The following ACTN1 variants were observed in gnomAD, a reference collection of about 807,000 sequenced individuals.
The protein encoded by ACTN1 is actinin alpha 1, also known as alpha-actinin-1.
Under a neutral mutation model 119.6 loss-of-function variants are expected in ACTN1, and 30 were observed. The observed-to-expected ratio is 0.25, with a 90% CI of 0.19 to 0.34. The LOEUF is 0.34. ACTN1 is among the 10% of genes least tolerant of loss of function. The probability of loss-of-function intolerance (pLI) is 1.00; values close to 1 mark genes in which losing one functional copy is unlikely to be tolerated. For synonymous variants in ACTN1, 429 were observed against 472.6 expected (o/e 0.91, Z 1.20); for missense variants, 764 against 1,223.4 (o/e 0.62, Z 5.60).
chr14:68,953,885 CAAA>C (rs756178152), intron 1 of ACTN1, among the ~76,000 whole-genome samples: 3 of 101,842 alleles, frequency 2.9e-5, no homozygotes, highest in Non-Finnish European at 4.1e-5. Flanking sequence ...GACTCTGTCT[CAAA>C]AAAAAAAAAA....
intron 1 of ACTN1, among the ~76,000 whole-genome samples, chr14:68,951,029 G>A (rs2036145525): frequency 6.6e-6 from 1 of 152,202 alleles, no homozygotes; most frequent in Non-Finnish European, 1.5e-5. Flanking sequence ...CCTGCAGAAG[G>A]CCAAGAAACT....
At chr14:68,912,717 G>A (rs905523487) in intron 3 of ACTN1, among the ~76,000 whole-genome samples, 4 of 152,146 alleles carry the variant, frequency 2.6e-5, no homozygotes, top group African/African-American at 9.7e-5. Flanking sequence ...TGTGACAGGT[G>A]CTGGAAGAGA....
intron 11 of ACTN1, chr14:68,887,680 A>G (rs1385051340): frequency 3.9e-6 from 5 of 1,286,638 alleles, no homozygotes; most frequent in Non-Finnish European, 5.4e-6. Flanking sequence ...AAATGTTTCT[A>G]GAGCTACTAA....
chr14:68,914,980 T>C (rs2034205733), intron 3 of ACTN1, among the ~76,000 whole-genome samples: 1 of 152,208 alleles, frequency 6.6e-6, no homozygotes, highest in South Asian at 2.1e-4. Flanking sequence ...AGTATAATTT[T>C]ATCTCCAGGA....
intron 1 of ACTN1, among the ~76,000 whole-genome samples, chr14:68,939,660 G>A (rs1481525636): frequency 6.6e-6 from 1 of 152,096 alleles, no homozygotes. Flanking sequence ...ATAGCTAAGG[G>A]GTACAGAATA....
intron 1 of ACTN1, among the ~76,000 whole-genome samples, chr14:68,961,130 G>A (rs141708868): frequency 6.6e-6 from 1 of 152,228 alleles, no homozygotes; most frequent in Non-Finnish European, 1.5e-5. Context: ...CACCTCAAAT[G>A]CTTTTTGGAA....
intron 1 of ACTN1, among the ~76,000 whole-genome samples, chr14:68,959,772 A>T (rs2036465747): frequency 6.6e-6 from 1 of 152,186 alleles, no homozygotes; most frequent in African/African-American, 2.4e-5. Context: ...CAGGATAGTT[A>T]CTATTTCTAA....
At chr14:68,964,371 C>T (rs916062809) in intron 1 of ACTN1, among the ~76,000 whole-genome samples, 3 of 152,196 alleles carry the variant, frequency 2.0e-5, no homozygotes, top group Admixed American at 6.5e-5. Flanking sequence ...ACTTCAGTCT[C>T]CACGACCAGA....
At chr14:68,935,462 T>C (rs927860079) in intron 1 of ACTN1, among the ~76,000 whole-genome samples, 1 of 138,032 alleles carries the variant, frequency 7.2e-6, no homozygotes, top group African/African-American at 2.7e-5. Flanking sequence ...CTCAGCTCAC[T>C]GCAACCTCCA....
chr14:68,919,575 C>T (rs960274971), intron 3 of ACTN1, among the ~76,000 whole-genome samples: 1 of 152,196 alleles, frequency 6.6e-6, no homozygotes, highest in African/African-American at 2.4e-5. Context: ...GTGCATCATG[C>T]TGCTAGGAAC....
chr14:68,938,450 C>T (rs2035628725), intron 1 of ACTN1, among the ~76,000 whole-genome samples: 1 of 152,054 alleles, frequency 6.6e-6, no homozygotes, highest in African/African-American at 2.4e-5. Context: ...GAGATTTAAT[C>T]CTAGCCTCAG....
In ACTN1 at chr14:68,890,301, G is replaced by A. The variant is rs750698962; in HGVS notation, c.1087-15C>T. 2.5e-6 allele frequency: 4 copies of A among 1,613,916 alleles called. No homozygotes were observed. The South Asian group carries it at 3.3e-5, about 13-fold the overall frequency. On this transcript the variant is annotated splice_polypyrimidine_tract_variant and intron_variant, in intron 10 of 21. Coordinates refer to ENST00000394419, the MANE Select transcript of ACTN1 (RefSeq NM_001130004.2). ...TTGTTGATGTCCTGTGGGGATGGGA[G>A]GTACAGGGTCAGGGTCTGGCTTGGG...
At position 68,890,272 on chromosome 14, in the gene ACTN1, G is replaced by A; in HGVS notation, c.1101C>T (p.Ala367=). The part of the protein sequence containing the change: ...EGRMVSDINN[A]WGCLEQVEKG... ...TCTCCACCTGCTCCAGGCAGCCCCA[G>A]GCATTGTTGATGTCCTGTGGGGATG... The change falls in exon 11 of 22, where the codon GCC becomes GCT. Residue 367 remains alanine (A), a synonymous_variant. Coordinates refer to ENST00000394419, the MANE Select transcript of ACTN1 (RefSeq NM_001130004.2). The A allele has an allele frequency of 6.2e-7, 1 of 1,614,202 alleles. No individual in the cohort carries two copies. Among genetic ancestry groups the A allele is most frequent in the Middle Eastern group, 1.6e-4 (1 of 6,062 alleles).
chr14:68,966,526 G>T (rs1421505446), intron 1 of ACTN1, among the ~76,000 whole-genome samples: 2 of 152,166 alleles, frequency 1.3e-5, no homozygotes, highest in African/African-American at 4.8e-5. Context: ...CTGTTCCTGG[G>T]GGACAAGATA....
At position 68,878,209 on chromosome 14, in the gene ACTN1, T is replaced by A; in HGVS notation, c.2427+249A>T. ...TCAGCCCAGCTGTCCACAGTGGGAG[T>A]GAGAAGTACCAGAAGATGAAGTGGC... On this transcript the variant is annotated intron_variant, in intron 20 of 21. Transcript: ENST00000394419. This position sits in a 1 kb window ranked among gnomAD's most constrained non-coding sequence, Gnocchi z 4.4. 2.3e-6 allele frequency: 1 copy of A among 438,922 alleles called. No homozygotes were observed. 27.2% of individuals were successfully genotyped at this position (438,922 alleles called of 1,614,324 possible). A position where few individuals can be genotyped will look rare whatever the true frequency, so the allele number is the denominator to read the frequency against.
At position 68,925,417 on chromosome 14, in the gene ACTN1, G is replaced by A. The variant is rs1256608621; in HGVS notation, c.220+141C>T. ...CAGCAGAACCAGAACTCAGACCCAC[G>A]CTCCTAGGATGAATTCATACATGTC... On this transcript the variant is annotated intron_variant, in intron 2 of 21. Coordinates refer to ENST00000394419, the MANE Select transcript of ACTN1 (RefSeq NM_001130004.2). This position sits in a 1 kb window ranked among gnomAD's most constrained non-coding sequence, Gnocchi z 4.3. 5 of 378,134 alleles carry A rather than the reference G, an allele frequency of 1.3e-5. No individual in the cohort carries two copies. Among genetic ancestry groups the A allele is most frequent in the East Asian group, 1.2e-4 (2 of 16,334 alleles). 23.4% of individuals were successfully genotyped at this position (378,134 alleles called of 1,614,324 possible). A position where few individuals can be genotyped will look rare whatever the true frequency, so the allele number is the denominator to read the frequency against.
At chr14:68,944,526 C>T (rs887600559) in intron 1 of ACTN1, among the ~76,000 whole-genome samples, 10 of 152,312 alleles carry the variant, frequency 6.6e-5, no homozygotes, top group African/African-American at 2.2e-4. Flanking sequence ...GTCATGGAGC[C>T]TGCAGTCTAA....
chr14:68,932,230 C>T (rs1235647713), intron 1 of ACTN1, among the ~76,000 whole-genome samples: 1 of 151,504 alleles, frequency 6.6e-6, no homozygotes, highest in Non-Finnish European at 1.5e-5. Context: ...CCAGCACAGC[C>T]AGAATAAAAG....
intron 1 of ACTN1, among the ~76,000 whole-genome samples, chr14:68,941,268 T>TA (rs2140490804): frequency 6.6e-6 from 1 of 152,308 alleles, no homozygotes; most frequent in South Asian, 2.1e-4. Context: ...CAAACTTGAA[T>TA]ATGTAAACTT....
Sources: allele counts gnomAD v4.1 joint callset (sites outside exome capture counted in the v4.1 genomes callset), GRCh38; gene constraint gnomAD v4.1.1; non-coding constraint Gnocchi (gnomAD v3.1); transcripts MANE v1.5; gene names NCBI Gene and HGNC (gene_info 2026-07-23, HGNC 2026-07-21).